Variants in DCLK1 observed in about 807,000 individuals in gnomAD.
DCLK1 encodes the protein doublecortin like kinase 1.
Under a neutral mutation model 86.2 loss-of-function variants are expected in DCLK1, and 16 were observed. The observed-to-expected ratio is 0.19, with a 90% CI of 0.13 to 0.28. The LOEUF is 0.28. DCLK1 is among the 10% of genes least tolerant of loss of function. The pLI is 1.00. For synonymous variants in DCLK1, 369 were observed against 370.5 expected, an observed-to-expected ratio of 1.00 and a Z score of 0.05; for missense variants, 590 against 940.2, an observed-to-expected ratio of 0.63 and a Z score of 4.87.
intron 4 of DCLK1, among the ~76,000 whole-genome samples, chr13:35,878,981 T>G (rs1187645361): frequency 1.3e-5 from 2 of 152,156 alleles, no homozygotes; most frequent in African/African-American, 4.8e-5. Context: ...AGATGGGGTT[T>G]CACCATGTTG....
At chr13:36,057,944 T>C (rs1279654773) in intron 3 of DCLK1, among the ~76,000 whole-genome samples, 2 of 152,188 alleles carry the variant, frequency 1.3e-5, no homozygotes, top group Admixed American at 6.5e-5. Flanking sequence ...GCCCTCAAAA[T>C]GCTTATATAT....
At chr13:36,116,664 T>C (rs1885802646) in intron 2 of DCLK1, among the ~76,000 whole-genome samples, 1 of 152,192 alleles carries the variant, frequency 6.6e-6, no homozygotes, top group Non-Finnish European at 1.5e-5. Context: ...TCCTTTAAGA[T>C]CAATATGTGG....
rs1466017250 is a variant in DCLK1, at chr13:35,827,903, A to G, written c.1288-149T>C. 4.8e-6 allele frequency: 5 copies of G among 1,032,888 alleles called. No homozygotes were observed. In the Admixed American group the frequency reaches 1.2e-4, roughly 25 times the overall value. 64.0% of individuals were successfully genotyped at this position (1,032,888 alleles called of 1,614,324 possible). ...GTCTTATATTCTGATATTCAGATAT[A>G]GCCTAGAATTGCCAATAGATATGGA... is the stretch of plus-strand genomic sequence containing the variant. On this transcript the variant is annotated intron_variant, in intron 9 of 16. Transcript: ENST00000360631.
At chr13:35,846,219 A>C (rs1870163436) in intron 6 of DCLK1, 1 of 985,154 alleles carries the variant, frequency 1.0e-6, no homozygotes, top group African/African-American at 1.7e-5. Context: ...GAAAGTATGT[A>C]ACCTCTTTAT....
intron 3 of DCLK1, among the ~76,000 whole-genome samples, chr13:36,063,932 C>T (rs73525235): frequency 2.8e-4 from 43 of 152,158 alleles, no homozygotes; most frequent in African/African-American, 9.9e-4. Flanking sequence ...CTCCACAATC[C>T]ATTAAAACAG....
chr13:36,066,544 C>T (rs1345256894), intron 3 of DCLK1, among the ~76,000 whole-genome samples: 1 of 152,110 alleles, frequency 6.6e-6, no homozygotes, highest in Non-Finnish European at 1.5e-5. Flanking sequence ...GCACATACAT[C>T]GTCTTCCATC....
intron 16 of DCLK1, among the ~76,000 whole-genome samples, chr13:35,787,436 A>T (rs879429143): frequency 6.6e-6 from 1 of 152,250 alleles, no homozygotes; most frequent in Non-Finnish European, 1.5e-5. Flanking sequence ...AGAGACACAA[A>T]CAATGCCCCT....
chr13:35,853,352 G>A (rs1261489337), intron 6 of DCLK1, among the ~76,000 whole-genome samples: 1 of 152,150 alleles, frequency 6.6e-6, no homozygotes, highest in Admixed American at 6.6e-5. Context: ...TGGACAAGCT[G>A]GCGTCAAATC....
At chr13:36,122,103 A>C (rs1886012624) in intron 2 of DCLK1, among the ~76,000 whole-genome samples, 1 of 152,224 alleles carries the variant, frequency 6.6e-6, no homozygotes. Flanking sequence ...AGCCAGTGAA[A>C]TAGGGAAATA....
chr13:35,957,583 G>C (rs959871762), intron 3 of DCLK1, among the ~76,000 whole-genome samples: 4 of 152,104 alleles, frequency 2.6e-5, no homozygotes, highest in Non-Finnish European at 2.9e-5. Context: ...GCATATATTT[G>C]AGAGCTAAAA....
At chr13:35,941,469 C>T (rs183658240) in intron 4 of DCLK1, among the ~76,000 whole-genome samples, 216 of 152,274 alleles carry the variant, frequency 1.4e-3, no homozygotes, top group African/African-American at 5.1e-3. Context: ...ATCACATACC[C>T]AGGAAGAACA....
chr13:35,986,300 C>CAAAA (rs60156251), intron 3 of DCLK1, among the ~76,000 whole-genome samples: 1 of 44,398 alleles, frequency 2.3e-5, no homozygotes. Flanking sequence ...GACTCCGTCT[C>CAAAA]AAAAAAAAAA....
chr13:35,860,047 G>C (rs1437557282), intron 5 of DCLK1, among the ~76,000 whole-genome samples: 2 of 152,254 alleles, frequency 1.3e-5, no homozygotes, highest in Non-Finnish European at 2.9e-5. Context: ...CCACCTTACT[G>C]TTTCCCTGTC....
chr13:35,885,676 A>C (rs1474247118), intron 4 of DCLK1, among the ~76,000 whole-genome samples: 5 of 152,244 alleles, frequency 3.3e-5, no homozygotes, highest in Admixed American at 2.6e-4. Flanking sequence ...GGCAGAACAC[A>C]CACAAAAATC....
At chr13:35,912,923 C>T (rs1034131858) in intron 4 of DCLK1, among the ~76,000 whole-genome samples, 5 of 152,164 alleles carry the variant, frequency 3.3e-5, no homozygotes, top group Admixed American at 6.5e-5. Context: ...GCTGAGGGGC[C>T]TACAGAGAGT....
At chr13:36,130,768 C>G (rs1176118896) in intron 1 of DCLK1, among the ~76,000 whole-genome samples, 2 of 152,214 alleles carry the variant, frequency 1.3e-5, no homozygotes, top group Admixed American at 6.5e-5. Flanking sequence ...CTGACAATGA[C>G]AAGCACCTCT....
intron 3 of DCLK1, among the ~76,000 whole-genome samples, chr13:36,037,792 G>A (rs1391116454): frequency 6.6e-6 from 1 of 151,928 alleles, no homozygotes; most frequent in Non-Finnish European, 1.5e-5. Flanking sequence ...CCACCCTGAT[G>A]TGATCTTTAC....
chr13:35,815,128 G>C (rs1313796989), intron 11 of DCLK1, among the ~76,000 whole-genome samples: 2 of 152,130 alleles, frequency 1.3e-5, no homozygotes, highest in African/African-American at 4.8e-5. Context: ...GTTTTTGAAA[G>C]GAGGGTTTTA....
At chr13:35,792,630 T>C (rs2086728527) in intron 16 of DCLK1, among the ~76,000 whole-genome samples, 1 of 152,152 alleles carries the variant, frequency 6.6e-6, no homozygotes, top group South Asian at 2.1e-4. Flanking sequence ...ACTCAAGTAA[T>C]TGGAACTTGA....
Sources: allele counts gnomAD v4.1 joint callset (sites outside exome capture counted in the v4.1 genomes callset), GRCh38; gene constraint gnomAD v4.1.1; transcripts MANE v1.5; gene names NCBI Gene and HGNC (gene_info 2026-07-23, HGNC 2026-07-21).